RABEPK: variants seen among roughly 807,000 people sequenced by gnomAD.
RABEPK encodes 40 kDa Rab9 effector protein.
A neutral mutation model predicts 34.1 loss-of-function variants in RABEPK; 27 were observed. The ratio of observed to expected loss-of-function variants is 0.79; its 90% CI spans 0.58 to 1.09. The LOEUF (loss-of-function observed/expected upper bound fraction) is 1.09, where lower values mean the gene tolerates loss of function less well. Among genes scored for constraint, RABEPK ranks in the 50% least tolerant of loss-of-function variants. RABEPK has a pLI of 0.00. For synonymous variants in RABEPK, 172 were observed against 169.2 expected (o/e 1.02, Z -0.13); for missense variants, 449 against 462.6 (o/e 0.97, Z 0.27).
intron 4 of RABEPK, among the ~76,000 whole-genome samples, chr9:125,218,631 A>G (rs993995547): frequency 1.3e-5 from 2 of 152,186 alleles, no homozygotes; most frequent in African/African-American, 2.4e-5. Context: ...CTCCAGTCAG[A>G]GGAGTGGGAA....
chr9:125,210,489 G>A (rs1830515967), intron 3 of RABEPK, among the ~76,000 whole-genome samples: 1 of 150,970 alleles, frequency 6.6e-6, no homozygotes, highest in Admixed American at 6.6e-5. Context: ...GGAGGCCGAG[G>A]CAGGCAAATC....
At chr9:125,211,587 G>A (rs1468607619) in intron 3 of RABEPK, among the ~76,000 whole-genome samples, 1 of 152,138 alleles carries the variant, frequency 6.6e-6, no homozygotes, top group Non-Finnish European at 1.5e-5. Flanking sequence ...ATTTGGAACT[G>A]AGCTGCCACC....
intron 1 of RABEPK, among the ~76,000 whole-genome samples, chr9:125,202,517 A>G (rs1387554039): frequency 1.3e-5 from 2 of 148,148 alleles, no homozygotes; most frequent in Non-Finnish European, 3.0e-5. Context: ...GTGAGACTCT[A>G]TCTAAAAATA....
At chr9:125,213,349 A>G (rs762897612) in intron 3 of RABEPK, 21 bp from the exon 4 acceptor site, 1 of 1,605,904 alleles carries the variant, frequency 6.2e-7, no homozygotes, top group Non-Finnish European at 8.5e-7. Flanking sequence ...CAATCTAGGA[A>G]CTGGGTGAAA....
At chr9:125,218,703 G>A (rs1831117891) in intron 4 of RABEPK, among the ~76,000 whole-genome samples, 1 of 152,202 alleles carries the variant, frequency 6.6e-6, no homozygotes, top group East Asian at 1.9e-4. Flanking sequence ...TCTTAGGCAT[G>A]TCACTTTATC....
intron 3 of RABEPK, among the ~76,000 whole-genome samples, chr9:125,208,143 A>G (rs1830354400): frequency 6.6e-6 from 1 of 152,046 alleles, no homozygotes; most frequent in Non-Finnish European, 1.5e-5. Context: ...AAAAGAAAAA[A>G]GAAAAAGTCA....
intron 6 of RABEPK, among the ~76,000 whole-genome samples, chr9:125,230,567 G>A (rs1388762165): frequency 3.6e-5 from 5 of 138,482 alleles, no homozygotes; most frequent in Non-Finnish European, 7.6e-5. Flanking sequence ...ATGGAGTCTC[G>A]CTCTGTTGCC....
At chr9:125,205,790 C>T (rs1830188723) in intron 2 of RABEPK, among the ~76,000 whole-genome samples, 2 of 151,966 alleles carry the variant, frequency 1.3e-5, no homozygotes, top group African/African-American at 4.8e-5. Context: ...GCCCGGCCCT[C>T]AAAGGGGTTT....
chr9:125,204,158 C>G (rs1309755394), intron 2 of RABEPK, among the ~76,000 whole-genome samples: 1 of 151,268 alleles, frequency 6.6e-6, no homozygotes, highest in Non-Finnish European at 1.5e-5. Flanking sequence ...CATGGTGAAA[C>G]CCTGTCTCTA....
intron 4 of RABEPK, among the ~76,000 whole-genome samples, chr9:125,214,806 T>TG (rs982584395): frequency 1.8e-4 from 27 of 151,782 alleles, no homozygotes; most frequent in Middle Eastern, 6.8e-3. Flanking sequence ...TTTTTTTTTT[T>TG]TGTGACGGAG....
At chr9:125,215,523 G>A (rs1444706290) in intron 4 of RABEPK, among the ~76,000 whole-genome samples, 2 of 151,894 alleles carry the variant, frequency 1.3e-5, no homozygotes, top group African/African-American at 4.8e-5. Context: ...TGTTGCCCAA[G>A]GTGGTCTCAA....
chr9:125,206,002 G>A (rs993720249), intron 2 of RABEPK, among the ~76,000 whole-genome samples: 2 of 152,170 alleles, frequency 1.3e-5, no homozygotes, highest in Admixed American at 6.6e-5. Context: ...GGAGAAGGAA[G>A]CAGAAAGGAC....
Position 125,202,873 on chromosome 9 carries a change from A to G in RABEPK, c.-6-135A>G, listed in dbSNP as rs544321863. The G allele has an allele frequency of 1.2e-3, 465 of 399,176 alleles. 1 individual carries two copies. The highest frequency in any genetic ancestry group is 9.0e-3 in the African/African-American group (427 of 47,434). 24.7% of individuals were successfully genotyped at this position (399,176 alleles called of 1,614,324 possible). On this transcript the variant is annotated intron_variant, in intron 1 of 7. Coordinates refer to ENST00000373538, the MANE Select transcript of RABEPK (RefSeq NM_005833.4). ...AATAAATAATAAAAATAAAGATGAAAAGTTGGTGATTCTTATTCAAATCAA... is the reference window on the plus strand; with the variant it reads ...AATAAATAATAAAAATAAAGATGAAGAGTTGGTGATTCTTATTCAAATCAA...
At chr9:125,227,455 T>C (rs956934984) in intron 5 of RABEPK, among the ~76,000 whole-genome samples, 6 of 151,672 alleles carry the variant, frequency 4.0e-5, no homozygotes, top group Non-Finnish European at 1.5e-5. Flanking sequence ...AGAGTCTTGC[T>C]CTGTCGCCCA....
At chr9:125,225,051 C>T (rs1472545010) in intron 5 of RABEPK, among the ~76,000 whole-genome samples, 1 of 151,882 alleles carries the variant, frequency 6.6e-6, no homozygotes, top group Non-Finnish European at 1.5e-5. Flanking sequence ...CCTAGGAGTT[C>T]CAGTCCAGCC....
Position 125,228,043 on chromosome 9 carries a change from C to A in RABEPK, c.660C>A (p.Leu220=), listed in dbSNP as rs758445976. The part of the protein sequence containing the change: ...GLAGDRFYDD[L]HCIDISDMKW... ...CGGGGGACAGATTCTATGATGACCT[C>A]CACTGCATTGATATAAGTAAGCAGG... is the stretch of plus-strand genomic sequence containing the variant. The change falls in exon 6 of 8, where the codon CTC becomes CTA. Residue 220 remains leucine (L), a synonymous_variant. Coordinates refer to ENST00000373538, the MANE Select transcript of RABEPK (RefSeq NM_005833.4). 1 of 1,589,996 alleles carries A rather than the reference C, an allele frequency of 6.3e-7. No individual in the cohort carries two copies. The highest frequency in any genetic ancestry group is 8.6e-7 in the Non-Finnish European group (1 of 1,166,178).
intron 4 of RABEPK, 117 bp downstream of exon 4, chr9:125,213,639 A>G (rs1278268265): frequency 1.1e-6 from 1 of 890,422 alleles, no homozygotes; most frequent in South Asian, 2.0e-5. Context: ...ACTAATTACC[A>G]TTTAACTTTG....
intron 5 of RABEPK, among the ~76,000 whole-genome samples, chr9:125,222,902 C>G (rs1831451686): frequency 1.3e-5 from 2 of 152,082 alleles, no homozygotes; most frequent in South Asian, 4.1e-4. Context: ...AAACTCCTAG[C>G]CTCAAGTGAT....
intron 5 of RABEPK, among the ~76,000 whole-genome samples, chr9:125,226,713 A>T (rs543616191): frequency 3.4e-4 from 51 of 151,680 alleles, no homozygotes; most frequent in African/African-American, 1.2e-3. Flanking sequence ...AAAATAGAAA[A>T]ATTAGCTGGG....
Sources: gnomAD v4.1 joint callset for allele counts (sites outside exome capture counted in the v4.1 genomes callset) on GRCh38, gnomAD v4.1.1 for gene constraint, MANE v1.5 for transcripts, NCBI Gene and HGNC (gene_info 2026-07-23, HGNC 2026-07-21) for gene names.